FRS2: variants seen among roughly 807,000 people sequenced by gnomAD.
FRS2 encodes the protein fibroblast growth factor receptor substrate 2, also known as FGFR signalling adaptor.
FRS2 carries 8 observed loss-of-function variants against 43.9 expected under a neutral mutation model. The observed-to-expected ratio is 0.18, with a 90% confidence interval of 0.11 to 0.33. The LOEUF (loss-of-function observed/expected upper bound fraction) is 0.33. Among genes scored for constraint, FRS2 ranks in the 10% least tolerant of loss-of-function variants. FRS2 has a pLI of 1.00. For missense variants in FRS2, 534 were observed against 627.6 expected (o/e 0.85, Z 1.59); for synonymous variants, 219 against 220.3 (o/e 0.99, Z 0.05).
At chr12:69,497,816 T>C (rs1873047075) in intron 1 of FRS2, among the ~76,000 whole-genome samples, 1 of 152,222 alleles carries the variant, frequency 6.6e-6, no homozygotes, top group Non-Finnish European at 1.5e-5. Context: ...GGCCTGGCCA[T>C]TGTAAATACT....
rs1881375430 is a variant in FRS2 at position 69,578,974 on chromosome 12, A to G, written c.*4019A>G. The G allele has an allele frequency of 6.6e-6, 1 of 152,648 alleles. No individual in the cohort carries two copies. Among genetic ancestry groups the G allele is most frequent in the South Asian group, 2.1e-4 (1 of 4,832 alleles). 9.5% of individuals were successfully genotyped at this position (152,648 alleles called of 1,614,324 possible). ...TGTACTATGCATACATTGTATCTTAATGCTGTTTCAGATCAGCATTTTAAA... is the reference window on the plus strand; with the variant it reads ...TGTACTATGCATACATTGTATCTTAGTGCTGTTTCAGATCAGCATTTTAAA... On this transcript the variant is annotated 3_prime_UTR_variant, in exon 9 of 9. Coordinates refer to ENST00000549921, the MANE Select transcript of FRS2 (RefSeq NM_001278356.2).
chr12:69,488,505 T>A (rs964224899), intron 1 of FRS2, among the ~76,000 whole-genome samples: 4 of 152,218 alleles, frequency 2.6e-5, no homozygotes, highest in African/African-American at 9.6e-5. Flanking sequence ...TAAACATAAC[T>A]TTTGTTTGCC....
At chr12:69,519,340 A>G (rs1875389665) in intron 1 of FRS2, among the ~76,000 whole-genome samples, 1 of 152,208 alleles carries the variant, frequency 6.6e-6, no homozygotes, top group Non-Finnish European at 1.5e-5. Context: ...ACAGACTCTG[A>G]TGACGTTTAC....
intron 1 of FRS2, among the ~76,000 whole-genome samples, chr12:69,490,780 C>T (rs1255859809): frequency 1.3e-5 from 2 of 152,114 alleles, no homozygotes; most frequent in Non-Finnish European, 1.5e-5. Context: ...ATACTTTTCA[C>T]TAAAGAAATA....
intron 1 of FRS2, among the ~76,000 whole-genome samples, chr12:69,524,865 T>TGA (rs1003948584): frequency 6.6e-6 from 1 of 152,114 alleles, no homozygotes; most frequent in African/African-American, 2.4e-5. Flanking sequence ...AGGCCCCTGG[T>TGA]GAGAGCAGGT....
At chr12:69,562,662 A>G (rs1037027439) in intron 4 of FRS2, among the ~76,000 whole-genome samples, 4 of 152,030 alleles carry the variant, frequency 2.6e-5, no homozygotes, top group Admixed American at 6.6e-5. Flanking sequence ...CTTTTATTTT[A>G]TTTGTATTTT....
At chr12:69,502,484 T>G (rs938253691) in intron 1 of FRS2, among the ~76,000 whole-genome samples, 3 of 152,120 alleles carry the variant, frequency 2.0e-5, no homozygotes, top group African/African-American at 7.2e-5. Context: ...TCTTCCCACC[T>G]CAGCCTCCCA....
intron 4 of FRS2, among the ~76,000 whole-genome samples, chr12:69,562,595 T>C (rs1302714093): frequency 6.6e-6 from 1 of 152,240 alleles, no homozygotes; most frequent in Non-Finnish European, 1.5e-5. Flanking sequence ...ACATGTTTAC[T>C]AATTTAAAGT....
At chr12:69,519,388 A>G (rs1387236841) in intron 1 of FRS2, among the ~76,000 whole-genome samples, 4 of 152,128 alleles carry the variant, frequency 2.6e-5, no homozygotes, top group Non-Finnish European at 5.9e-5. Context: ...TTGAAGACAT[A>G]GAAGAAAACT....
chr12:69,471,554 A>G (rs939312218), intron 1 of FRS2, among the ~76,000 whole-genome samples: 1 of 152,254 alleles, frequency 6.6e-6, no homozygotes, highest in African/African-American at 2.4e-5. Context: ...AACTTATTCC[A>G]TGAAGTGTTT....
intron 5 of FRS2, 29 bp downstream of exon 5, chr12:69,569,125 T>A: frequency 7.5e-7 from 1 of 1,341,976 alleles, no homozygotes; most frequent in Non-Finnish European, 1.1e-6. Flanking sequence ...GTTATATATC[T>A]TACTGCCTAG....
intron 6 of FRS2, among the ~76,000 whole-genome samples, chr12:69,570,917 T>C (rs992116829): frequency 2.0e-5 from 3 of 152,182 alleles, no homozygotes; most frequent in East Asian, 1.9e-4. Flanking sequence ...AAGATAACAA[T>C]TGGAAAACAC....
intron 3 of FRS2, among the ~76,000 whole-genome samples, chr12:69,554,412 A>G (rs1031360540): frequency 2.0e-5 from 3 of 152,188 alleles, no homozygotes; most frequent in African/African-American, 7.2e-5. Context: ...TTTTGTAAAA[A>G]TGCAAATCCT....
rs540651604 is a variant in FRS2, at chr12:69,543,853, T to C, written c.-122+11797T>C. 6.6e-5 allele frequency among the ~76,000 whole-genome samples: 10 copies of C among 152,210 alleles called. 1 individual carries two copies. Among genetic ancestry groups the C allele is most frequent in the African/African-American group, 2.2e-4 (9 of 41,508 alleles). On this transcript the variant is annotated intron_variant, in intron 3 of 8. Coordinates refer to ENST00000549921, the MANE Select transcript of FRS2 (RefSeq NM_001278356.2). ...GTATGGAGAGAGAAGAATTTTAAGG[T>C]ACATGATCAGTAGTGGAACAGGAGA...
intron 1 of FRS2, among the ~76,000 whole-genome samples, chr12:69,526,969 C>G (rs1000761326): frequency 6.6e-6 from 1 of 152,110 alleles, no homozygotes. Flanking sequence ...GTGATCCACC[C>G]GCCTTGGCCT....
intron 1 of FRS2, among the ~76,000 whole-genome samples, chr12:69,526,437 C>T (rs1047631812): frequency 5.9e-5 from 9 of 151,762 alleles, no homozygotes; most frequent in African/African-American, 1.2e-4. Context: ...ATTAAGCTTA[C>T]GATTCAGAAA....
chr12:69,532,771 T>C (rs1202861958), intron 3 of FRS2, among the ~76,000 whole-genome samples: 1 of 152,214 alleles, frequency 6.6e-6, no homozygotes, highest in Non-Finnish European at 1.5e-5. Flanking sequence ...AATTTATATA[T>C]CAGCACTTAA....
At chr12:69,563,964 C>G (rs1167416551) in intron 4 of FRS2, among the ~76,000 whole-genome samples, 1 of 152,036 alleles carries the variant, frequency 6.6e-6, no homozygotes, top group Non-Finnish European at 1.5e-5. Context: ...TTTGTTTTTC[C>G]TATGTTTTTA....
intron 1 of FRS2, among the ~76,000 whole-genome samples, chr12:69,493,855 G>T (rs1158415080): frequency 1.3e-5 from 2 of 152,162 alleles, no homozygotes; most frequent in African/African-American, 2.4e-5. Flanking sequence ...CATATACATA[G>T]GATTTAATCA....
Sources: allele counts gnomAD v4.1 joint callset (sites outside exome capture counted in the v4.1 genomes callset), GRCh38; gene constraint gnomAD v4.1.1; transcripts MANE v1.5; gene names NCBI Gene and HGNC (gene_info 2026-07-23, HGNC 2026-07-21).